ELF1: variants seen among roughly 807,000 people sequenced by gnomAD.
The protein encoded by ELF1 is E74 like ETS transcription factor 1.
ELF1 carries 24 observed loss-of-function variants against 59.9 expected under a neutral mutation model. The observed-to-expected ratio is 0.40, with a 90% CI of 0.29 to 0.56. The LOEUF is 0.56. Ranked by LOEUF, ELF1 falls within the 20% of genes least tolerant of loss-of-function variation. ELF1 has a pLI of 0.44. For missense variants in ELF1, 627 were observed against 742.2 expected (o/e 0.84, Z 1.80); for synonymous variants, 248 against 266.2 (o/e 0.93, Z 0.67).
intron 7 of ELF1, among the ~76,000 whole-genome samples, chr13:40,941,709 G>A (rs1157522612): frequency 1.3e-5 from 2 of 152,052 alleles, no homozygotes; most frequent in Admixed American, 1.3e-4. Context: ...CCAGGCTGGA[G>A]TGCAGTGGCA....
chr13:41,017,332 C>T (rs1413127381), intron 1 of ELF1, among the ~76,000 whole-genome samples: 2 of 152,084 alleles, frequency 1.3e-5, no homozygotes, highest in African/African-American at 4.8e-5. Context: ...GACTGCGAAG[C>T]CCTGCCATTA....
intron 2 of ELF1, among the ~76,000 whole-genome samples, chr13:40,974,033 G>T (rs572044786): frequency 6.6e-6 from 1 of 152,262 alleles, no homozygotes; most frequent in Non-Finnish European, 1.5e-5. Flanking sequence ...GGAAGAATAG[G>T]TCATGACTGC....
intron 1 of ELF1, among the ~76,000 whole-genome samples, chr13:40,999,894 G>A (rs763338768): frequency 3.9e-5 from 6 of 152,228 alleles, no homozygotes; most frequent in East Asian, 3.9e-4. Flanking sequence ...TAAGATTTTC[G>A]AAAACGTATG....
rs9566680 is a variant in ELF1 at position 41,057,450 on chromosome 13, G to C, written c.-229+3388C>G. 2.7e-3 allele frequency among the ~76,000 whole-genome samples: 412 copies of C among 151,840 alleles called. 8 individuals carry two copies. In the East Asian group the frequency reaches 0.049, roughly 18 times the overall value. On this transcript the variant is annotated intron_variant, in intron 1 of 1. Transcript: ENST00000405737. Reference sequence around the variant, plus strand: ...TCTCTGTCTCCAAGGCTGGAGTGCAGTGGCACGATCCTGAGATCCTGGCTT... The same window carrying C: ...TCTCTGTCTCCAAGGCTGGAGTGCACTGGCACGATCCTGAGATCCTGGCTT...
At chr13:41,034,038 T>C (rs1427089995) in intron 1 of ELF1, among the ~76,000 whole-genome samples, 2 of 152,138 alleles carry the variant, frequency 1.3e-5, no homozygotes, top group South Asian at 2.1e-4. Flanking sequence ...AAGTCAACTT[T>C]ATGATAATTT....
chr13:41,061,224 T>G (rs1211192075), exon 1 of ELF1: 1 of 230,390 alleles, frequency 4.3e-6, no homozygotes, highest in Admixed American at 5.4e-5. Flanking sequence ...CTGTTTGCGT[T>G]CCGGGCGGAG....
chr13:40,986,681 C>A (rs966673303), intron 1 of ELF1, among the ~76,000 whole-genome samples: 2 of 152,088 alleles, frequency 1.3e-5, no homozygotes, highest in Admixed American at 1.3e-4. Context: ...ACACAGAGTC[C>A]CATTATGCCT....
At chr13:40,943,622 G>GAATAGATTATTTTGACA (rs1373568209) in intron 6 of ELF1, among the ~76,000 whole-genome samples, 2 of 152,152 alleles carry the variant, frequency 1.3e-5, no homozygotes, top group African/African-American at 4.8e-5. Context: ...TAAATGAAAA[G>GAATAGATTATTTTGACA]AATAGATTAT....
chr13:41,027,956 G>C (rs1210824758), intron 1 of ELF1, among the ~76,000 whole-genome samples: 1 of 152,160 alleles, frequency 6.6e-6, no homozygotes, highest in Non-Finnish European at 1.5e-5. Flanking sequence ...TTCTGAGTTA[G>C]CATCCACTAC....
At chr13:40,977,153 C>T (rs1016982107) in intron 2 of ELF1, among the ~76,000 whole-genome samples, 2 of 152,018 alleles carry the variant, frequency 1.3e-5, no homozygotes, top group African/African-American at 4.8e-5. Context: ...ATTAAATTAA[C>T]TCCTGGAACA....
At chr13:41,004,042 G>A (rs1179324589) in intron 1 of ELF1, among the ~76,000 whole-genome samples, 1 of 151,886 alleles carries the variant, frequency 6.6e-6, no homozygotes. Flanking sequence ...ATAAATATCA[G>A]GCATGTATTT....
At chr13:40,967,002 C>A (rs1593367924) in intron 2 of ELF1, among the ~76,000 whole-genome samples, 1 of 152,184 alleles carries the variant, frequency 6.6e-6, no homozygotes, top group Admixed American at 6.5e-5. Context: ...TTCAACAGCT[C>A]CCCTGACTCC....
intron 1 of ELF1, among the ~76,000 whole-genome samples, chr13:40,985,866 A>G (rs1005864946): frequency 6.6e-6 from 1 of 152,238 alleles, no homozygotes; most frequent in African/African-American, 2.4e-5. Flanking sequence ...TGCTGTATTA[A>G]TAGTTCTCAA....
At chr13:41,060,932 CG>C in exon 1 of ELF1, 1 of 370,824 alleles carries the variant, frequency 2.7e-6, no homozygotes, top group Non-Finnish European at 5.4e-6. Context: ...CCGCCGCCGC[CG>C]CCGCCGCCGC....
chr13:40,958,421 G>C (rs1396031798), intron 3 of ELF1, among the ~76,000 whole-genome samples: 2 of 151,986 alleles, frequency 1.3e-5, no homozygotes, highest in Non-Finnish European at 2.9e-5. Flanking sequence ...GAGCTGGGTG[G>C]GGTGGTGCAT....
chr13:41,054,866 C>T lies in ELF1; in HGVS notation c.-229+5972G>A, dbSNP rs114963228. Reference sequence around the variant, plus strand: ...AAATTCATTTCATTAAAACATTCCTCGTATTACCAGAAATCTCTTTTCCTA... The same window carrying T: ...AAATTCATTTCATTAAAACATTCCTTGTATTACCAGAAATCTCTTTTCCTA... On this transcript the variant is annotated intron_variant, in intron 1 of 1. Transcript: ENST00000405737. 1.5e-3 allele frequency among the ~76,000 whole-genome samples: 233 copies of T among 152,300 alleles called. 1 individual carries two copies. Among genetic ancestry groups the T allele is most frequent in the African/African-American group, 5.5e-3 (227 of 41,562 alleles).
At chr13:40,985,179 C>T (rs1828977966) in intron 1 of ELF1, among the ~76,000 whole-genome samples, 1 of 152,198 alleles carries the variant, frequency 6.6e-6, no homozygotes, top group African/African-American at 2.4e-5. Context: ...ATCTTTCCTG[C>T]TCCTCTTCCT....
chr13:40,934,159 G>A (rs1869606464), intron 8 of ELF1, 131 bp from the exon 9 acceptor site: 3 of 1,214,514 alleles, frequency 2.5e-6, no homozygotes, highest in African/African-American at 3.1e-5. Flanking sequence ...ATTTTCAACA[G>A]AGCATGACCA....
At chr13:40,943,776 T>C in intron 6 of ELF1, 66 bp downstream of exon 6, 1 of 1,360,022 alleles carries the variant, frequency 7.4e-7, no homozygotes, top group South Asian at 1.5e-5. Flanking sequence ...GGTTTCTAGT[T>C]ATAATAGGTA....
Sources: allele counts gnomAD v4.1 joint callset (sites outside exome capture counted in the v4.1 genomes callset), GRCh38; gene constraint gnomAD v4.1.1; transcripts MANE v1.5; gene names NCBI Gene and HGNC (gene_info 2026-07-23, HGNC 2026-07-21).